AKAP19: variants seen among roughly 807,000 people sequenced by gnomAD.
AKAP19 encodes A-kinase anchoring protein 19.
the AKAP19 span, chr2:189,923,257 A>C: frequency 1.4e-6 from 2 of 1,413,092 alleles, no homozygotes; most frequent in Non-Finnish European, 2.0e-6. Context: ...AGAACCCGGG[A>C]GTAGGAGACT....
At chr2:190,176,518 T>G in the AKAP19 span, among the ~76,000 whole-genome samples, 30 of 152,174 alleles carry the variant, frequency 2.0e-4, no homozygotes, top group African/African-American at 5.5e-4. The surrounding 1 kb of genome is among the most constrained non-coding windows in gnomAD (Gnocchi z 4.7). Context: ...CGGCTAATTT[T>G]TTTGTATTTT....
chr2:190,167,178 A>G, the AKAP19 span, among the ~76,000 whole-genome samples: 1 of 152,210 alleles, frequency 6.6e-6, no homozygotes, highest in Non-Finnish European at 1.5e-5. Flanking sequence ...AGGCCTTACA[A>G]TTATAGCGAA....
chr2:189,935,974 A>C, the AKAP19 span, among the ~76,000 whole-genome samples: 1 of 152,140 alleles, frequency 6.6e-6, no homozygotes, highest in African/African-American at 2.4e-5. Flanking sequence ...TACAGAAGAC[A>C]GAACAGTTTT....
At chr2:189,923,987 G>A in the AKAP19 span, 3 of 1,510,694 alleles carry the variant, frequency 2.0e-6, no homozygotes, top group South Asian at 2.3e-5. Context: ...GATGAACAAT[G>A]TTAAGTCAGA....
chr2:190,073,935 C>T, the AKAP19 span, among the ~76,000 whole-genome samples: 1 of 151,830 alleles, frequency 6.6e-6, no homozygotes, highest in African/African-American at 2.4e-5. Flanking sequence ...CCTGTAGTCC[C>T]AGCTACTCAG....
the AKAP19 span, among the ~76,000 whole-genome samples, chr2:189,918,366 T>C: frequency 6.6e-6 from 1 of 152,262 alleles, no homozygotes; most frequent in East Asian, 1.9e-4. Flanking sequence ...CCACACTCCC[T>C]TTTCCTTCAT....
At chr2:189,963,348 C>A in the AKAP19 span, among the ~76,000 whole-genome samples, 5 of 142,970 alleles carry the variant, frequency 3.5e-5, no homozygotes, top group African/African-American at 1.4e-4. Flanking sequence ...GCGCCCACCA[C>A]CACACCTGGC....
the AKAP19 span, among the ~76,000 whole-genome samples, chr2:190,103,352 G>A: frequency 6.6e-6 from 1 of 152,074 alleles, no homozygotes; most frequent in East Asian, 1.9e-4. Flanking sequence ...GCAATCGGAA[G>A]AGAAAAAAAT....
At chr2:190,016,763 C>A in the AKAP19 span, among the ~76,000 whole-genome samples, 1 of 152,246 alleles carries the variant, frequency 6.6e-6, no homozygotes, top group Non-Finnish European at 1.5e-5. Context: ...TATTTCAATG[C>A]AGTTGAATAA....
At chr2:190,181,331 G>C in the AKAP19 span, 1 of 187,794 alleles carries the variant, frequency 5.3e-6, no homozygotes, top group African/African-American at 2.4e-5. Context: ...TTTGTTCTGG[G>C]CTTCCCAGTG....
the AKAP19 span, among the ~76,000 whole-genome samples, chr2:189,940,430 G>C: frequency 5.3e-5 from 8 of 150,862 alleles, no homozygotes; most frequent in Admixed American, 4.6e-4. Flanking sequence ...TGGGCAACGG[G>C]GGGGAAAAAA....
chr2:190,182,706 A>G, the AKAP19 span, among the ~76,000 whole-genome samples: 1 of 152,228 alleles, frequency 6.6e-6, no homozygotes, highest in Non-Finnish European at 1.5e-5. Flanking sequence ...ATGAGCTGCC[A>G]TCTTCAAATA....
chr2:189,963,234 C>A, the AKAP19 span, among the ~76,000 whole-genome samples: 3 of 144,750 alleles, frequency 2.1e-5, no homozygotes, highest in African/African-American at 7.9e-5. Flanking sequence ...CACTCTGTTG[C>A]CCAGGCTGGA....
At chr2:190,170,791 C>G in the AKAP19 span, among the ~76,000 whole-genome samples, 1 of 152,074 alleles carries the variant, frequency 6.6e-6, no homozygotes, top group African/African-American at 2.4e-5. Flanking sequence ...TTTCTTATCG[C>G]TTTTTGTAAA....
the AKAP19 span, among the ~76,000 whole-genome samples, chr2:190,022,090 A>AATCCATTC: frequency 6.6e-6 from 1 of 152,104 alleles, no homozygotes; most frequent in African/African-American, 2.4e-5. Context: ...TTGATCCATT[A>AATCCATTC]ATCTATGCAT....
the AKAP19 span, among the ~76,000 whole-genome samples, chr2:189,939,083 G>C: frequency 6.6e-6 from 1 of 152,176 alleles, no homozygotes; most frequent in African/African-American, 2.4e-5. Context: ...CATTGGGAGT[G>C]TGTGAAGGAA....
the AKAP19 span, among the ~76,000 whole-genome samples, chr2:189,957,083 G>T: frequency 1.3e-5 from 2 of 152,162 alleles, no homozygotes; most frequent in Non-Finnish European, 2.9e-5. Flanking sequence ...GGCTGAGGAG[G>T]AGAGTTGCTT....
the AKAP19 span, among the ~76,000 whole-genome samples, chr2:189,902,465 T>C: frequency 1.3e-5 from 2 of 152,082 alleles, no homozygotes; most frequent in East Asian, 1.9e-4. Context: ...TTCTGCTTTT[T>C]TAATTTAAAA....
chr2:190,041,728 A>G, the AKAP19 span, among the ~76,000 whole-genome samples: 2 of 152,012 alleles, frequency 1.3e-5, no homozygotes, highest in African/African-American at 4.8e-5. Flanking sequence ...TGTTGAAAGG[A>G]TGCTGAATTT....
Sources: gnomAD v4.1 joint callset for allele counts (sites outside exome capture counted in the v4.1 genomes callset) on GRCh38, gnomAD v4.1.1 for gene constraint, Gnocchi (gnomAD v3.1) non-coding constraint, MANE v1.5 for transcripts, NCBI Gene and HGNC (gene_info 2026-07-23, HGNC 2026-07-21) for gene names.